DDHD1: variants seen among roughly 807,000 people sequenced by gnomAD.
DDHD1 encodes DDHD domain containing 1.
A neutral mutation model predicts 96.4 loss-of-function variants in DDHD1; 49 were observed. That is an observed-to-expected ratio of 0.51 (90% CI 0.40 to 0.64). The LOEUF is 0.64. Among genes scored for constraint, DDHD1 ranks in the 30% least tolerant of loss-of-function variants. The pLI, the probability that DDHD1 is intolerant of heterozygous loss-of-function variation, is 0.00. For synonymous variants in DDHD1, 442 were observed against 446.5 expected, an observed-to-expected ratio of 0.99 and a Z score of 0.13; for missense variants, 1,106 against 1,161.2, an observed-to-expected ratio of 0.95 and a Z score of 0.69.
chr14:53,136,485 T>C (rs535917775), intron 1 of DDHD1, among the ~76,000 whole-genome samples: 1 of 152,278 alleles, frequency 6.6e-6, no homozygotes, highest in Non-Finnish European at 1.5e-5. Context: ...TTTGGCACTG[T>C]AGAAAGACAG....
At chr14:53,067,459 CTTT>C (rs774228803) in intron 6 of DDHD1, among the ~76,000 whole-genome samples, 1 of 134,694 alleles carries the variant, frequency 7.4e-6, no homozygotes. Flanking sequence ...TGTCTAGCCT[CTTT>C]TTTTTTTTTT....
chr14:53,085,945 G>A (rs935031142), intron 4 of DDHD1, among the ~76,000 whole-genome samples: 1 of 152,208 alleles, frequency 6.6e-6, no homozygotes, highest in Admixed American at 6.5e-5. Context: ...ACAGTGTAGA[G>A]AAGACCTTAA....
At chr14:53,133,583 G>T (rs1890026115) in intron 1 of DDHD1, among the ~76,000 whole-genome samples, 1 of 152,130 alleles carries the variant, frequency 6.6e-6, no homozygotes, top group African/African-American at 2.4e-5. Flanking sequence ...AACTTAAAAA[G>T]GACTGGACAG....
intron 6 of DDHD1, among the ~76,000 whole-genome samples, chr14:53,068,712 A>G (rs1469794919): frequency 6.6e-6 from 1 of 152,222 alleles, no homozygotes; most frequent in African/African-American, 2.4e-5. Context: ...TCTGCTCCTC[A>G]GGAATACCCA....
rs187790298 is a variant in DDHD1, at chr14:53,041,767, T to C, written c.*5001A>G. 12 of 152,314 alleles carry C rather than the reference T, an allele frequency of 7.9e-5. No individual in the cohort carries two copies. The highest frequency in any genetic ancestry group is 4.6e-4 in the Admixed American group (7 of 15,290). The allele number at this position is 152,314 out of a possible 1,614,324, so 9.4% of individuals were successfully genotyped here. A position where few individuals can be genotyped will look rare whatever the true frequency, so the allele number is the denominator to read the frequency against. ...TCTGTCCAGACCTGATAGGGTACTC[T>C]TATGAGAGTCTGGAAGAAAGAAGGG... On this transcript the variant is annotated 3_prime_UTR_variant, in exon 13 of 13. Transcript: ENST00000673822.
chr14:53,125,535 A>G (rs1889361106), intron 1 of DDHD1, among the ~76,000 whole-genome samples: 1 of 152,210 alleles, frequency 6.6e-6, no homozygotes, highest in Non-Finnish European at 1.5e-5. Flanking sequence ...GATTATTAAA[A>G]TCAAAAGAAT....
Position 53,046,005 on chromosome 14 carries a change from T to TA in DDHD1, c.*762dup, listed in dbSNP as rs1279518060. The stretch of plus-strand genomic sequence containing the variant: ...CATGTAACATAATAAAAAGTTTATT[T>TA]AAAAAATTGAACTAGTGTTGTATGA... On this transcript the variant is annotated 3_prime_UTR_variant, in exon 13 of 13. Coordinates refer to ENST00000673822, the MANE Select transcript of DDHD1 (RefSeq NM_001160148.2). 2.0e-5 allele frequency: 3 copies of TA among 152,134 alleles called. No individual in the cohort carries two copies. The highest frequency in any genetic ancestry group is 7.2e-5 in the African/African-American group (3 of 41,430). The allele number at this position is 152,134 out of a possible 1,614,324, so 9.4% of individuals were successfully genotyped here.
chr14:53,103,872 C>A lies in DDHD1; in HGVS notation c.839-16G>T. ...TTATCAGCCTCTGAAAAAGAGAAAT[C>A]ACAGAATTATACACATTTTAAGATT... On this transcript the variant is annotated splice_polypyrimidine_tract_variant and intron_variant, in intron 1 of 12. Transcript: ENST00000673822. The A allele has an allele frequency of 1.3e-6, 2 of 1,583,314 alleles. No homozygotes were observed. The highest frequency in any genetic ancestry group is 2.3e-5 in the East Asian group (1 of 43,794).
intron 4 of DDHD1, among the ~76,000 whole-genome samples, chr14:53,089,798 T>C (rs1031515531): frequency 6.6e-6 from 1 of 152,124 alleles, no homozygotes. Flanking sequence ...GGGCAAAGAC[T>C]TCATGTCTAA....
intron 3 of DDHD1, 144 bp downstream of exon 3, chr14:53,093,170 TAA>T: frequency 2.7e-6 from 2 of 732,336 alleles, no homozygotes; most frequent in Non-Finnish European, 3.9e-6. Context: ...ATCAACTTAA[TAA>T]AAGTTTCATT....
chr14:53,066,782 C>G (rs1305408301), intron 6 of DDHD1, among the ~76,000 whole-genome samples: 1 of 151,992 alleles, frequency 6.6e-6, no homozygotes, highest in Non-Finnish European at 1.5e-5. Context: ...GCCTGGGCAA[C>G]ATGGTGAAAC....
At chr14:53,094,801 G>A (rs1886736093) in intron 2 of DDHD1, among the ~76,000 whole-genome samples, 1 of 150,704 alleles carries the variant, frequency 6.6e-6, no homozygotes, top group South Asian at 2.1e-4. Context: ...CTATGATCAT[G>A]CCACTGCACT....
chr14:53,042,107 C>T lies in DDHD1; in HGVS notation c.*4661G>A, dbSNP rs1048463970. ...CACATGAGGAGGTGAAACTGTAAAA[C>T]GAAGGAATTAAATGTGATAGCATTT... is the stretch of plus-strand genomic sequence containing the variant. On this transcript the variant is annotated 3_prime_UTR_variant, in exon 13 of 13. Transcript: ENST00000673822. 10 of 151,962 alleles carry T rather than the reference C, an allele frequency of 6.6e-5. No homozygotes were observed. The highest frequency in any genetic ancestry group is 2.2e-4 in the African/African-American group (9 of 41,328). The allele number at this position is 151,962 out of a possible 1,614,324, so 9.4% of individuals were successfully genotyped here. A position where few individuals can be genotyped will look rare whatever the true frequency, so the allele number is the denominator to read the frequency against.
At chr14:53,106,092 C>T (rs984836830) in intron 1 of DDHD1, among the ~76,000 whole-genome samples, 4 of 152,042 alleles carry the variant, frequency 2.6e-5, no homozygotes, top group Non-Finnish European at 4.4e-5. Flanking sequence ...CACTTATTAC[C>T]TATATTGTGG....
intron 1 of DDHD1, among the ~76,000 whole-genome samples, chr14:53,132,577 T>A (rs1889952217): frequency 6.6e-6 from 1 of 152,174 alleles, no homozygotes; most frequent in East Asian, 1.9e-4. Context: ...GCCCTCACTC[T>A]TGCAAAAGAA....
chr14:53,146,190 A>G lies in DDHD1; in HGVS notation c.838+6071T>C, dbSNP rs146448761. ...CATTGCACTTCAGCCTGGGCAAATA[A>G]GAGTGAAACTCCATCTCAAAACAAA... On this transcript the variant is annotated intron_variant, in intron 1 of 12. Coordinates refer to ENST00000673822, the MANE Select transcript of DDHD1 (RefSeq NM_001160148.2). Among the ~76,000 whole-genome samples the G allele has an allele frequency of 5.4e-4, 81 of 151,362 alleles. 3 individuals carry two copies. In the East Asian group the frequency reaches 0.015, roughly 29 times the overall value.
In DDHD1 at chr14:53,102,992, A is replaced by C. The variant is rs372298020; in HGVS notation, c.1012+691T>G. 2.6e-4 allele frequency: 408 copies of C among 1,544,792 alleles called. 1 individual carries two copies. The African/African-American group carries it at 4.7e-3, about 18-fold the overall frequency. The stretch of plus-strand genomic sequence containing the variant: ...GGTTTTAGAAGAAAAACTTCAGACA[A>C]ATCTACAAATTCTAATCTACCTGTA... On this transcript the variant is annotated intron_variant, in intron 2 of 12. Transcript: ENST00000673822.
chr14:53,075,722 C>A (rs1298145531), intron 4 of DDHD1, among the ~76,000 whole-genome samples: 3 of 152,188 alleles, frequency 2.0e-5, no homozygotes, highest in Non-Finnish European at 4.4e-5. Context: ...AAAGGACAGG[C>A]TGACTCTCTT....
chr14:53,115,282 A>T (rs1160663387), intron 1 of DDHD1, among the ~76,000 whole-genome samples: 2 of 151,680 alleles, frequency 1.3e-5, no homozygotes, highest in African/African-American at 2.4e-5. Flanking sequence ...GAGAGAATGA[A>T]GTCAAGTTGG....
Sources: allele counts gnomAD v4.1 joint callset (sites outside exome capture counted in the v4.1 genomes callset), GRCh38; gene constraint gnomAD v4.1.1; transcripts MANE v1.5; gene names NCBI Gene and HGNC (gene_info 2026-07-23, HGNC 2026-07-21).